The following CNTLN variants were observed in gnomAD, a reference collection of about 807,000 sequenced individuals.
CNTLN encodes centlein, centrosomal protein.
A neutral mutation model predicts 180.0 loss-of-function variants in CNTLN; 212 were observed. The ratio of observed to expected loss-of-function variants is 1.18; its 90% CI spans 1.05 to 1.32. The LOEUF is 1.32. Among genes scored for constraint, CNTLN ranks in the 40% most tolerant of loss-of-function variants. The probability of loss-of-function intolerance (pLI) is 0.00; values close to 1 mark genes in which losing one functional copy is unlikely to be tolerated. For missense variants in CNTLN, 2,095 were observed against 1,610.9 expected (o/e 1.30, Z -5.14); for synonymous variants, 722 against 563.1 (o/e 1.28, Z -3.99).
At chr9:17,204,224 T>C (rs1172244486) in intron 2 of CNTLN, among the ~76,000 whole-genome samples, 2 of 152,222 alleles carry the variant, frequency 1.3e-5, no homozygotes, top group South Asian at 2.1e-4. Context: ...TTGTGATCAT[T>C]TGGAGAAGAG....
intron 2 of CNTLN, among the ~76,000 whole-genome samples, chr9:17,188,216 T>A (rs1369827669): frequency 1.3e-5 from 2 of 151,976 alleles, no homozygotes; most frequent in African/African-American, 4.8e-5. Flanking sequence ...CTATAAAATA[T>A]AAATGTCTCA....
At chr9:17,339,881 C>T (rs7854724) in intron 10 of CNTLN, among the ~76,000 whole-genome samples, 88,771 of 151,972 alleles carry the variant, frequency 0.58, 26,269 homozygotes, top group East Asian at 0.73. Flanking sequence ...GTGCCACACA[C>T]GGTGGCTTAT....
intron 23 of CNTLN, among the ~76,000 whole-genome samples, chr9:17,479,024 G>A (rs1458609965): frequency 6.6e-6 from 1 of 152,134 alleles, no homozygotes; most frequent in African/African-American, 2.4e-5. Flanking sequence ...CAGGATGGCA[G>A]CTATTTAAAA....
intron 2 of CNTLN, among the ~76,000 whole-genome samples, chr9:17,154,270 GT>G (rs1212994506): frequency 6.6e-6 from 1 of 152,158 alleles, no homozygotes; most frequent in African/African-American, 2.4e-5. Context: ...TTTTTGCACT[GT>G]TTTTTCCCCA....
chr9:17,463,763 A>T (rs540719724), intron 20 of CNTLN, among the ~76,000 whole-genome samples: 1 of 151,756 alleles, frequency 6.6e-6, no homozygotes, highest in African/African-American at 2.4e-5. Context: ...CTCTAGATTA[A>T]CACTCTTTGA....
At chr9:17,280,522 G>A (rs759052429) in intron 6 of CNTLN, among the ~76,000 whole-genome samples, 2 of 152,008 alleles carry the variant, frequency 1.3e-5, no homozygotes, top group African/African-American at 2.4e-5. Flanking sequence ...ATTACATACT[G>A]ATTACTTGGG....
chr9:17,167,678 A>C (rs1219756785), intron 2 of CNTLN: 1 of 152,246 alleles, frequency 6.6e-6, no homozygotes, highest in African/African-American at 2.4e-5. Flanking sequence ...TAATGCAGTC[A>C]GCTAAACAGT....
At chr9:17,254,825 G>C (rs900264803) in intron 5 of CNTLN, among the ~76,000 whole-genome samples, 1 of 151,594 alleles carries the variant, frequency 6.6e-6, no homozygotes, top group African/African-American at 2.4e-5. Context: ...TCTGCAAAAA[G>C]TGTCATTGGG....
At position 17,487,064 on chromosome 9, in the gene CNTLN, CA is replaced by C. The variant is rs1183419031; in HGVS notation, c.4118del (p.Gln1373ArgfsTer9). On this transcript the variant is annotated frameshift_variant and splice_region_variant, in exon 25 of 26. Coordinates refer to ENST00000380647, the MANE Select transcript of CNTLN (RefSeq NM_017738.4). LOFTEE classifies it high-confidence loss of function. The stretch of plus-strand genomic sequence containing the variant: ...GTACATTCAGAAACTTCTTGAAGGA[CA>C]GGTATTTCATTTTTCTGTTTCATAT... Reference protein sequence around the residue: ...MLYIQKLLEGQLPFASYLLEA... With the variant: ...MLYIQKLLEGXLPFASYLLEA... The C allele has an allele frequency of 1.3e-6, 2 of 1,589,898 alleles. No homozygotes were observed. Among genetic ancestry groups the C allele is most frequent in the Non-Finnish European group, 1.7e-6 (2 of 1,160,100 alleles).
chr9:17,496,448 T>A (rs182357543), intron 25 of CNTLN, among the ~76,000 whole-genome samples: 4 of 152,290 alleles, frequency 2.6e-5, no homozygotes, highest in Non-Finnish European at 4.4e-5. Context: ...TCCTATCTCT[T>A]TTTATAAGGC....
chr9:17,444,416 CAG>C (rs1211642791), intron 18 of CNTLN, among the ~76,000 whole-genome samples: 1 of 152,168 alleles, frequency 6.6e-6, no homozygotes, highest in Non-Finnish European at 1.5e-5. Flanking sequence ...ACAGGAATTT[CAG>C]AGTCATGAGG....
chr9:17,274,669 A>C (rs538961379), intron 6 of CNTLN, among the ~76,000 whole-genome samples: 3 of 152,116 alleles, frequency 2.0e-5, no homozygotes, highest in Non-Finnish European at 4.4e-5. Flanking sequence ...AATTTATTTT[A>C]ATTTAAAAAC....
chr9:17,149,007 C>G (rs762677829), intron 2 of CNTLN, among the ~76,000 whole-genome samples: 5 of 152,072 alleles, frequency 3.3e-5, no homozygotes, highest in African/African-American at 7.3e-5. Flanking sequence ...GTGATGCTCC[C>G]CTCCCTGTGT....
intron 18 of CNTLN, among the ~76,000 whole-genome samples, chr9:17,450,086 G>A (rs181346617): frequency 2.6e-4 from 39 of 152,262 alleles, no homozygotes; most frequent in Non-Finnish European, 3.8e-4. Context: ...TGAGAGTAGC[G>A]TATCTCTTAT....
At position 17,283,902 on chromosome 9, in the gene CNTLN, G is replaced by C. The variant is rs148329479; in HGVS notation, c.983+10036G>C. On this transcript the variant is annotated intron_variant, in intron 6 of 25. Coordinates refer to ENST00000380647, the MANE Select transcript of CNTLN (RefSeq NM_017738.4). ...GTTTATGTGATGAATTAGATTTATTGATTTGTGTATGTTGAACCAGCCTTG... is the reference window on the plus strand; with the variant it reads ...GTTTATGTGATGAATTAGATTTATTCATTTGTGTATGTTGAACCAGCCTTG... Among the ~76,000 whole-genome samples the C allele has an allele frequency of 5.2e-3, 791 of 152,274 alleles. 5 individuals carry two copies. Among genetic ancestry groups the C allele is most frequent in the African/African-American group, 0.018 (759 of 41,562 alleles).
chr9:17,439,925 T>G (rs1830007283), intron 18 of CNTLN, among the ~76,000 whole-genome samples: 1 of 152,204 alleles, frequency 6.6e-6, no homozygotes, highest in African/African-American at 2.4e-5. Flanking sequence ...CAGATCATAA[T>G]AAGTAAATGT....
intron 6 of CNTLN, among the ~76,000 whole-genome samples, chr9:17,293,801 C>G (rs563065945): frequency 2.6e-5 from 4 of 152,122 alleles, no homozygotes; most frequent in African/African-American, 9.7e-5. Context: ...TGCTGAGAGG[C>G]CACCAAGAGG....
chr9:17,427,492 C>T (rs953254588), intron 18 of CNTLN, among the ~76,000 whole-genome samples: 1 of 151,986 alleles, frequency 6.6e-6, no homozygotes, highest in African/African-American at 2.4e-5. Flanking sequence ...GTAAAGAGTA[C>T]AGTGGGTGTA....
At chr9:17,322,493 A>G (rs779414808) in intron 8 of CNTLN, among the ~76,000 whole-genome samples, 1 of 152,176 alleles carries the variant, frequency 6.6e-6, no homozygotes, top group Non-Finnish European at 1.5e-5. Flanking sequence ...AGCAGAATGA[A>G]ACAGCCCAAG....
Sources: allele counts gnomAD v4.1 joint callset (sites outside exome capture counted in the v4.1 genomes callset), GRCh38; gene constraint gnomAD v4.1.1; transcripts MANE v1.5; gene names NCBI Gene and HGNC (gene_info 2026-07-23, HGNC 2026-07-21).